The following USP20 variants were observed in gnomAD, a reference collection of about 807,000 sequenced individuals.
USP20 encodes the protein ubiquitin carboxyl-terminal hydrolase 20.
USP20 carries 80 observed loss-of-function variants against 124.2 expected under a neutral mutation model. The ratio of observed to expected loss-of-function variants is 0.64; its 90% CI spans 0.54 to 0.78. The LOEUF is 0.78. USP20 is among the 30% of genes least tolerant of loss of function. USP20 has a pLI of 0.00. For synonymous variants in USP20, 481 were observed against 512.3 expected, an observed-to-expected ratio of 0.94 and a Z score of 0.83; for missense variants, 1,043 against 1,244.4, an observed-to-expected ratio of 0.84 and a Z score of 2.44.
intron 6 of USP20, 75 bp from the exon 7 acceptor site, chr9:129,860,862 C>T (rs897880279): frequency 2.0e-6 from 3 of 1,486,592 alleles, no homozygotes; most frequent in South Asian, 1.1e-5. Flanking sequence ...GGACTTCCAG[C>T]CCTTGGGAGA....
At chr9:129,851,120 G>A (rs181911376) in intron 2 of USP20, among the ~76,000 whole-genome samples, 49 of 152,260 alleles carry the variant, frequency 3.2e-4, no homozygotes, top group African/African-American at 1.1e-3. Context: ...AATACCGTAG[G>A]TGAAGCATTT....
rs565285609 is a variant in USP20, at chr9:129,874,719, C to A, written c.1884C>A (p.Asp628Glu). Residue 628 changes from aspartate to glutamate, a missense_variant, in exon 18 of 26, where the codon GAC (aspartate) becomes GAA (glutamate). Transcript: ENST00000372429. The part of the protein sequence containing the change: ...KECTSQITTY[D>E]LLSVICHHGT... ...GCACATCCCAGATCACCACCTACGA[C>A]CTCCTCTCGGTCATCTGCCACCACG... 256 of 1,613,966 alleles carry A rather than the reference C, an allele frequency of 1.6e-4. 6 individuals are homozygous for A. In the South Asian group the frequency reaches 2.7e-3, roughly 17 times the overall value.
At chr9:129,870,065 A>T (rs898708983) in intron 14 of USP20, 2 of 616,920 alleles carry the variant, frequency 3.2e-6, no homozygotes, top group Non-Finnish European at 5.6e-6. Flanking sequence ...CTGGAGGGCG[A>T]TGGACAGCAG....
Position 129,873,533 on chromosome 9 carries a change from C to G in USP20, c.1694+18C>G, listed in dbSNP as rs756684235. The G allele has an allele frequency of 2.5e-6, 4 of 1,614,200 alleles. No individual in the cohort carries two copies. Among genetic ancestry groups the G allele is most frequent in the Non-Finnish European group, 3.4e-6 (4 of 1,180,026 alleles). On this transcript the variant is annotated intron_variant, in intron 16 of 25. Coordinates refer to ENST00000372429, the MANE Select transcript of USP20 (RefSeq NM_001110303.4). ...TGTAAGAAGTAAGTGAGCCTTCCCC[C>G]GCCTTCTCCCTAACTGCCGTTTCTG...
intron 2 of USP20, among the ~76,000 whole-genome samples, chr9:129,851,329 G>T (rs945024691): frequency 2.7e-5 from 4 of 149,322 alleles, no homozygotes; most frequent in Admixed American, 6.8e-5. Flanking sequence ...GCATGGTCAC[G>T]GCTCACTGCA....
At chr9:129,877,361 A>G (rs1339832352) in intron 22 of USP20, among the ~76,000 whole-genome samples, 1 of 151,958 alleles carries the variant, frequency 6.6e-6, no homozygotes, top group African/African-American at 2.4e-5. Context: ...TCTACAAACA[A>G]TACAAAAATT....
intron 8 of USP20, 96 bp from the exon 9 acceptor site, chr9:129,863,090 G>A (rs2033633001): frequency 1.4e-5 from 13 of 907,710 alleles, no homozygotes; most frequent in Non-Finnish European, 2.1e-5. Context: ...TGTGCTCCCT[G>A]TGCGAGCACT....
At chr9:129,842,935 G>A (rs538639281) in intron 1 of USP20, among the ~76,000 whole-genome samples, 18 of 151,876 alleles carry the variant, frequency 1.2e-4, no homozygotes, top group African/African-American at 3.4e-4. Flanking sequence ...CTGTACTACC[G>A]CCCTTTTTCC....
chr9:129,850,789 GGGATTATAGGCTTGT>G (rs1157147883), intron 2 of USP20, among the ~76,000 whole-genome samples: 1 of 152,078 alleles, frequency 6.6e-6, no homozygotes, highest in Non-Finnish European at 1.5e-5. Context: ...CTGAGTAGCT[GGGATTATAGGCTTGT>G]GCATCATGCC....
intron 14 of USP20, 106 bp downstream of exon 14, chr9:129,869,950 G>C: frequency 1.4e-6 from 2 of 1,381,134 alleles, no homozygotes; most frequent in Non-Finnish European, 2.0e-6. Context: ...GAACCAGGGA[G>C]GTCCTGGGAG....
chr9:129,874,615 A>T lies in USP20; in HGVS notation c.1780A>T (p.Met594Leu). ...CCTAAAGCGCTTTCGGCACGAGGTG[A>T]TGTACTCATTCAAGATCAACAGCCA... The part of the protein sequence containing the change: ...IHLKRFRHEV[M>L]YSFKINSHVS... Residue 594 changes from methionine (M) to leucine (L), a missense_variant, in exon 18 of 26, where the codon ATG becomes TTG. By Grantham distance (15) the Met-to-Leu change is conservative. Transcript: ENST00000372429. 2 of 1,613,726 alleles carry T rather than the reference A, an allele frequency of 1.2e-6. No homozygotes were observed. Among genetic ancestry groups the T allele is most frequent in the South Asian group, 2.2e-5 (2 of 91,082 alleles).
chr9:129,870,584 G>A (rs1357343435), intron 15 of USP20, 37 bp downstream of exon 15: 2 of 1,609,730 alleles, frequency 1.2e-6, no homozygotes, highest in African/African-American at 2.7e-5. Flanking sequence ...GGGAGGTGGA[G>A]GGTTGTGGGG....
Position 129,835,514 on chromosome 9 carries a change from G to A in USP20, c.-129+15G>A, listed in dbSNP as rs1588228806. The A allele has an allele frequency of 1.4e-5, 4 of 292,688 alleles. No individual in the cohort carries two copies. The highest frequency in any genetic ancestry group is 2.5e-5 in the Non-Finnish European group (4 of 158,306). The allele number at this position is 292,688 out of a possible 1,614,324, so 18.1% of individuals were successfully genotyped here. On this transcript the variant is annotated intron_variant, in intron 1 of 25. Transcript: ENST00000372429. Reference sequence around the variant, plus strand: ...TGCGAGTGCAGGTGAGTTCCGGGCCGCCACCGGCTGCTTCTGTGGGCCGGG... The same window carrying A: ...TGCGAGTGCAGGTGAGTTCCGGGCCACCACCGGCTGCTTCTGTGGGCCGGG...
intron 1 of USP20, among the ~76,000 whole-genome samples, chr9:129,837,065 G>T (rs1254248181): frequency 2.0e-5 from 3 of 152,164 alleles, no homozygotes; most frequent in African/African-American, 7.2e-5. Flanking sequence ...GCTCCATGAG[G>T]CCAGAGGACC....
In USP20 at chr9:129,842,914, C is replaced by T. The variant is rs376873432; in HGVS notation, c.-128-6899C>T. Among the ~76,000 whole-genome samples the T allele has an allele frequency of 7.2e-5, 11 of 152,066 alleles. No individual in the cohort carries two copies. In the East Asian group the frequency reaches 1.7e-3, roughly 24 times the overall value. On this transcript the variant is annotated intron_variant, in intron 1 of 25. Coordinates refer to ENST00000372429, the MANE Select transcript of USP20 (RefSeq NM_001110303.4). Reference sequence around the variant, plus strand: ...GGCCCTTTGTGTGGAATATTAAGCACCCAGTGTTTTCTGTACTACCGCCCT... The same window carrying T: ...GGCCCTTTGTGTGGAATATTAAGCATCCAGTGTTTTCTGTACTACCGCCCT...
intron 3 of USP20, among the ~76,000 whole-genome samples, chr9:129,855,274 AC>A (rs2131056347): frequency 6.6e-6 from 1 of 152,206 alleles, no homozygotes; most frequent in South Asian, 2.1e-4. Flanking sequence ...TACTAATAAT[AC>A]AAAAAATTAG....
chr9:129,846,287 A>G (rs117430330), intron 1 of USP20, among the ~76,000 whole-genome samples: 16,481 of 85,736 alleles, frequency 0.19, 1,546 homozygotes, highest in Middle Eastern at 0.36. Context: ...ATAGGGTCTT[A>G]CCCTGTTGTC....
rs1588294775 is a variant in USP20 at position 129,879,509 on chromosome 9, C to T, written c.2513-64C>T. ...TGGGGCGGCCCCACTTGGGATGGCT[C>T]TGCTGCTGTGGAGGGTGGAGGGCAT... On this transcript the variant is annotated intron_variant, in intron 23 of 25. Transcript: ENST00000372429. The surrounding 1 kb of genome is among the most constrained non-coding windows in gnomAD (Gnocchi z 4.2). 101 of 1,578,686 alleles carry T rather than the reference C, an allele frequency of 6.4e-5. No homozygotes were observed. The East Asian group carries it at 2.2e-3, about 34-fold the overall frequency.
intron 3 of USP20, among the ~76,000 whole-genome samples, chr9:129,854,348 A>G (rs1033561935): frequency 1.3e-5 from 2 of 152,212 alleles, no homozygotes; most frequent in African/African-American, 4.8e-5. Context: ...TGGCACCTGA[A>G]TATTCCTCAA....
Sources: allele counts gnomAD v4.1 joint callset (sites outside exome capture counted in the v4.1 genomes callset), GRCh38; gene constraint gnomAD v4.1.1; non-coding constraint Gnocchi (gnomAD v3.1); transcripts MANE v1.5; gene names NCBI Gene and HGNC (gene_info 2026-07-23, HGNC 2026-07-21).